Variants in PCDHA3 observed in about 807,000 individuals in gnomAD.
The protein encoded by PCDHA3 is protocadherin alpha-3.
A neutral mutation model predicts 62.2 loss-of-function variants in PCDHA3; 41 were observed. The ratio of observed to expected loss-of-function variants is 0.66; its 90% CI spans 0.51 to 0.86. The LOEUF (loss-of-function observed/expected upper bound fraction) is 0.86, where lower values mean the gene tolerates loss of function less well. Ranked by LOEUF, PCDHA3 falls within the 40% of genes least tolerant of loss-of-function variation. PCDHA3 has a pLI of 0.00. For missense variants in PCDHA3, 1,304 were observed against 1,241.2 expected (o/e 1.05, Z -0.76); for synonymous variants, 640 against 555.4 (o/e 1.15, Z -2.14).
intron 1 of PCDHA3, chr5:140,928,069 A>C (rs782427256): frequency 6.2e-7 from 1 of 1,614,180 alleles, no homozygotes; most frequent in Non-Finnish European, 8.5e-7. Context: ...TTCCTTTGAC[A>C]ACTACTACAG....
At chr5:140,869,108 T>C in intron 1 of PCDHA3, 2 of 1,602,680 alleles carry the variant, frequency 1.2e-6, no homozygotes, top group African/African-American at 1.3e-5. Flanking sequence ...TATGCGATGT[T>C]TGGTTTTCAG....
At chr5:140,833,399 G>C (rs1554133822) in intron 1 of PCDHA3, among the ~76,000 whole-genome samples, 1 of 152,156 alleles carries the variant, frequency 6.6e-6, no homozygotes, top group Non-Finnish European at 1.5e-5. Context: ...CTCAAGACTT[G>C]ATCAAAGGGC....
chr5:140,882,656 C>G, intron 1 of PCDHA3: 2 of 1,614,192 alleles, frequency 1.2e-6, no homozygotes, highest in Middle Eastern at 1.6e-4. Flanking sequence ...TAACGACAAC[C>G]CGCCCATATT....
At position 140,936,850 on chromosome 5, in the gene PCDHA3, CTTCTCAGT is replaced by C. The variant is rs1421923207; in HGVS notation, c.2395-42094_2395-42087del. Among the ~76,000 whole-genome samples the C allele has an allele frequency of 3.1e-4, 47 of 152,208 alleles. 1 individual carries two copies. Among genetic ancestry groups the C allele is most frequent in the African/African-American group, 1.1e-3 (46 of 41,532 alleles). On this transcript the variant is annotated intron_variant, in intron 1 of 3. Coordinates refer to ENST00000522353, the MANE Select transcript of PCDHA3 (RefSeq NM_018906.3). ...ATTTCTATATAAATTGTAGATTCAG[CTTCTCAGT>C]TTCTATTTTAAAAAACCCTGCTTTG... is the stretch of plus-strand genomic sequence containing the variant.
At chr5:140,982,683 T>C in intron 3 of PCDHA3, 120 bp downstream of exon 3, 2 of 1,424,800 alleles carry the variant, frequency 1.4e-6, no homozygotes, top group Non-Finnish European at 1.8e-6. Context: ...TATTCCCTTT[T>C]TTCCATACAT....
intron 1 of PCDHA3, chr5:140,808,499 A>G: frequency 6.2e-7 from 1 of 1,614,192 alleles, no homozygotes; most frequent in Non-Finnish European, 8.5e-7. Context: ...GCTGTGGGCC[A>G]CGGCCAGTGT....
intron 1 of PCDHA3, among the ~76,000 whole-genome samples, chr5:140,918,655 T>C (rs1248144760): frequency 6.6e-6 from 1 of 152,218 alleles, no homozygotes; most frequent in Non-Finnish European, 1.5e-5. Context: ...CTAATTCTCA[T>C]GTTGATGGTA....
chr5:140,954,282 T>C (rs1554221335), intron 1 of PCDHA3, among the ~76,000 whole-genome samples: 1 of 152,220 alleles, frequency 6.6e-6, no homozygotes. Context: ...TGATTTATAT[T>C]CCTTTGGGTA....
chr5:140,862,685 C>T (rs782248340), intron 1 of PCDHA3: 8 of 552,656 alleles, frequency 1.4e-5, no homozygotes, highest in Non-Finnish European at 1.8e-5. Flanking sequence ...GTGCTGGTGT[C>T]CTACTCGTTG....
chr5:140,853,667 G>A lies in PCDHA3; in HGVS notation c.2394+50076G>A, dbSNP rs965344983. 2.4e-5 allele frequency: 24 copies of A among 988,242 alleles called. 2 individuals carry two copies. The highest frequency in any genetic ancestry group is 7.1e-5 in the African/African-American group (4 of 56,544). 61.2% of individuals were successfully genotyped at this position (988,242 alleles called of 1,614,324 possible). On this transcript the variant is annotated intron_variant, in intron 1 of 3. Transcript: ENST00000522353. ...TTGAGCCTGTTCCAGACAAATTGGG[G>A]CCTATGGTCAACCTATCCTTAGACC...
chr5:140,882,462 G>C (rs1487611246), intron 1 of PCDHA3: 1 of 1,613,916 alleles, frequency 6.2e-7, no homozygotes, highest in Non-Finnish European at 8.5e-7. Context: ...CGCCTGTTCC[G>C]GGTGGCGTCC....
chr5:140,882,086 A>G (rs1416648023), intron 1 of PCDHA3: 4 of 1,056,010 alleles, frequency 3.8e-6, no homozygotes, highest in South Asian at 1.7e-5. Context: ...GTCGCTCTTC[A>G]CTGAGAACGT....
At chr5:140,897,656 C>T (rs2153457504) in intron 1 of PCDHA3, among the ~76,000 whole-genome samples, 1 of 152,200 alleles carries the variant, frequency 6.6e-6, no homozygotes, top group Non-Finnish European at 1.5e-5. Flanking sequence ...CATACGTGTG[C>T]ATGTGTCTTT....
chr5:140,941,461 G>A (rs1202773112), intron 1 of PCDHA3, among the ~76,000 whole-genome samples: 7 of 150,524 alleles, frequency 4.7e-5, no homozygotes, highest in Non-Finnish European at 7.4e-5. Context: ...GATTACAGGC[G>A]CCCACCACCA....
In PCDHA3 at chr5:140,927,522, A is replaced by G. The variant is rs1292484442; in HGVS notation, c.2395-51427A>G. On this transcript the variant is annotated intron_variant, in intron 1 of 3. Coordinates refer to ENST00000522353, the MANE Select transcript of PCDHA3 (RefSeq NM_018906.3). ...TGCTTACAGCTCGGGACGGCGGGCT[A>G]CCTGCCCGCTCAGGAGACGCACAAG... 5.6e-6 allele frequency: 9 copies of G among 1,614,088 alleles called. No homozygotes were observed. In the South Asian group the frequency reaches 9.9e-5, roughly 18 times the overall value.
chr5:140,922,342 A>G (rs1256854965), intron 1 of PCDHA3, among the ~76,000 whole-genome samples: 2 of 152,184 alleles, frequency 1.3e-5, no homozygotes, highest in East Asian at 3.8e-4. Flanking sequence ...GTATATTGGT[A>G]TTTTCTAGAG....
intron 1 of PCDHA3, chr5:140,966,441 C>A (rs2096002534): frequency 4.7e-6 from 2 of 424,804 alleles, no homozygotes; most frequent in South Asian, 1.8e-4. Context: ...CTACCGCTCC[C>A]TTTCCCCCTC....
At position 140,877,744 on chromosome 5, in the gene PCDHA3, G is replaced by T. The variant is rs200651425; in HGVS notation, c.2394+74153G>T. ...TTACTCGCAGCAGAGGAGGCAGAGG[G>T]TGTGCTCTGCAGAGAGCCCGCCCAA... On this transcript the variant is annotated intron_variant, in intron 1 of 3. Coordinates refer to ENST00000522353, the MANE Select transcript of PCDHA3 (RefSeq NM_018906.3). The T allele has an allele frequency of 3.3e-3, 5,393 of 1,614,198 alleles. 26 individuals carry two copies. Among genetic ancestry groups the T allele is most frequent in the South Asian group, 0.011 (995 of 91,084 alleles).
At chr5:140,992,153 T>C (rs191199905) in intron 3 of PCDHA3, among the ~76,000 whole-genome samples, 76 of 152,066 alleles carry the variant, frequency 5.0e-4, no homozygotes, top group African/African-American at 1.8e-3. Flanking sequence ...CTTTGCTCAA[T>C]CAAGAAGTGT....
Sources: allele counts gnomAD v4.1 joint callset (sites outside exome capture counted in the v4.1 genomes callset), GRCh38; gene constraint gnomAD v4.1.1; transcripts MANE v1.5; gene names NCBI Gene and HGNC (gene_info 2026-07-23, HGNC 2026-07-21).